The following COLEC10 variants were observed in gnomAD, a reference collection of about 807,000 sequenced individuals.
The protein encoded by COLEC10 is collectin subfamily member 10.
Under a neutral mutation model 28.4 loss-of-function variants are expected in COLEC10, and 22 were observed. That is an observed-to-expected ratio of 0.78 (90% CI 0.55 to 1.11). COLEC10 has a LOEUF of 1.11. COLEC10 is among the 50% of genes least tolerant of loss of function. The probability of loss-of-function intolerance (pLI) is 0.00; values close to 1 mark genes in which losing one functional copy is unlikely to be tolerated. For synonymous variants in COLEC10, 125 were observed against 116.1 expected (o/e 1.08, Z -0.49); for missense variants, 361 against 344.1 (o/e 1.05, Z -0.39).
chr8:119,066,334 G>C (rs1347576829), upstream of COLEC10, among the ~76,000 whole-genome samples: 4 of 152,108 alleles, frequency 2.6e-5, no homozygotes, highest in Non-Finnish European at 5.9e-5. Flanking sequence ...TAGGTTTGTG[G>C]AATAGATAGA....
intron 3 of COLEC10, 107 bp from the exon 4 acceptor site, chr8:119,102,241 T>G (rs1248067049): frequency 1.8e-5 from 5 of 279,980 alleles, no homozygotes; most frequent in Non-Finnish European, 3.3e-5. Context: ...CCTCCCTCCC[T>G]CCTTCCTTCT....
chr8:119,041,158 G>A (rs1814487406), intron 2 of COLEC10, among the ~76,000 whole-genome samples: 1 of 152,140 alleles, frequency 6.6e-6, no homozygotes, highest in African/African-American at 2.4e-5. Context: ...AAACGTGGTG[G>A]AGCTCAGTCT....
chr8:119,009,738 C>T (rs1475521853), intron 2 of COLEC10, among the ~76,000 whole-genome samples: 3 of 150,538 alleles, frequency 2.0e-5, no homozygotes, highest in Non-Finnish European at 4.4e-5. Flanking sequence ...ATCTGCTCAT[C>T]TATAGATTAA....
Position 119,108,020 on chromosome 8 carries a change from T to C in COLEC10, c.*1829T>C, listed in dbSNP as rs1815986163. Among the ~76,000 whole-genome samples, 1 of 152,188 alleles carries C rather than the reference T, an allele frequency of 6.6e-6. No individual in the cohort carries two copies. Among genetic ancestry groups the C allele is most frequent in the Admixed American group, 6.6e-5 (1 of 15,266 alleles). ...AGGTTCTAACCAAATAGAATGTCAT[T>C]AGGATATGATGACATGAAAGTCAAG... On this transcript the variant is annotated 3_prime_UTR_variant, in exon 6 of 6. Coordinates refer to ENST00000332843, the MANE Select transcript of COLEC10 (RefSeq NM_006438.5).
rs946045725 is a variant in COLEC10, at chr8:119,105,825, A to C, written c.468A>C (p.Glu156Asp). Residue 156 changes from glutamate to aspartate, a missense_variant, in exon 6 of 6, where the codon GAA becomes GAC. By Grantham distance (45) the Glu-to-Asp change is conservative (BLOSUM62 2). Coordinates refer to ENST00000332843, the MANE Select transcript of COLEC10 (RefSeq NM_006438.5). ...KNVIAGIRET[E>D]EKFYYIVQEE... ...TGATAGCAGGGATTAGGGAAACTGA[A>C]GAGAAATTCTACTACATCGTGCAGG... The C allele has an allele frequency of 6.2e-7, 1 of 1,612,612 alleles. No individual in the cohort carries two copies. Among genetic ancestry groups the C allele is most frequent in the Non-Finnish European group, 8.5e-7 (1 of 1,178,940 alleles).
chr8:119,005,211 T>C (rs923351833), intron 1 of COLEC10, among the ~76,000 whole-genome samples: 1 of 152,104 alleles, frequency 6.6e-6, no homozygotes, highest in Non-Finnish European at 1.5e-5. Flanking sequence ...AAATTGGGAA[T>C]AGAAATAATA....
At chr8:118,993,856 A>G (rs1235970297), upstream of COLEC10, among the ~76,000 whole-genome samples, 2 of 152,146 alleles carry the variant, frequency 1.3e-5, no homozygotes, top group African/African-American at 4.8e-5. Context: ...AATTCACACT[A>G]TAATAGGGGT....
At position 119,102,283 on chromosome 8, in the gene COLEC10, T is replaced by G. The variant is rs1290999949; in HGVS notation, c.293-65T>G. The G allele has an allele frequency of 4.4e-6, 4 of 916,300 alleles. No homozygotes were observed. The African/African-American group carries it at 6.7e-5, about 15-fold the overall frequency. 56.8% of individuals were successfully genotyped at this position (916,300 alleles called of 1,614,324 possible). ...TCCTTCATTCCCTTCCTTCCTTCCT[T>G]CCTTTTTTCCTTTCTTCTTTTATTT... On this transcript the variant is annotated intron_variant, in intron 3 of 5. Transcript: ENST00000332843.
upstream of COLEC10, among the ~76,000 whole-genome samples, chr8:119,065,825 T>C (rs1049915003): frequency 8.4e-6 from 1 of 118,964 alleles, no homozygotes; most frequent in Admixed American, 8.2e-5. Flanking sequence ...GCGACTGTAC[T>C]CCAGCCTGGG....
the COLEC10 span, among the ~76,000 whole-genome samples, chr8:118,971,768 G>A: frequency 6.6e-6 from 1 of 152,000 alleles, no homozygotes; most frequent in Admixed American, 6.6e-5. Context: ...TTCAGAGGTA[G>A]CAGAAGATAA....
At chr8:119,002,199 A>G (rs1239944277) in intron 1 of COLEC10, among the ~76,000 whole-genome samples, 2 of 152,142 alleles carry the variant, frequency 1.3e-5, no homozygotes, top group Non-Finnish European at 2.9e-5. Context: ...TATGAGTTAT[A>G]TATTGTTATT....
At chr8:119,067,566 T>C (rs956928762) in intron 1 of COLEC10, 137 bp downstream of exon 1, 1 of 809,114 alleles carries the variant, frequency 1.2e-6, no homozygotes, top group Non-Finnish European at 1.9e-6. Flanking sequence ...TTTTGGAAAA[T>C]CAGGATTTTC....
At chr8:119,102,503 A>G in intron 4 of COLEC10, 102 bp downstream of exon 4, 1 of 960,070 alleles carries the variant, frequency 1.0e-6, no homozygotes. Flanking sequence ...TCCTTTTAGT[A>G]TGCTTAACCT....
In COLEC10 at chr8:119,107,889, A is replaced by T. The variant is rs1457434092; in HGVS notation, c.*1698A>T. The stretch of plus-strand genomic sequence containing the variant: ...TGGCAACTAATTAATTTTTAACCCA[A>T]ATTTTAAGTGGGTTAAAAATTAATT... On this transcript the variant is annotated 3_prime_UTR_variant, in exon 6 of 6. Transcript: ENST00000332843. Among the ~76,000 whole-genome samples the T allele has an allele frequency of 6.6e-6, 1 of 152,168 alleles. No individual in the cohort carries two copies. The highest frequency in any genetic ancestry group is 2.4e-5 in the African/African-American group (1 of 41,436).
At chr8:119,005,671 G>A (rs541229836) in intron 1 of COLEC10, among the ~76,000 whole-genome samples, 3 of 152,220 alleles carry the variant, frequency 2.0e-5, no homozygotes, top group African/African-American at 7.2e-5. Flanking sequence ...AGTTTCTAAA[G>A]AGTGTTAATA....
the COLEC10 span, among the ~76,000 whole-genome samples, chr8:118,958,417 A>G: frequency 6.6e-6 from 1 of 152,180 alleles, no homozygotes; most frequent in Non-Finnish European, 1.5e-5. Context: ...GCATTTATAA[A>G]CCAGACCACT....
the COLEC10 span, among the ~76,000 whole-genome samples, chr8:118,964,037 A>G: frequency 2.0e-5 from 3 of 152,206 alleles, no homozygotes; most frequent in African/African-American, 7.2e-5. Flanking sequence ...TAAAAGTGCT[A>G]TGGAGCAAAT....
chr8:119,048,804 T>C (rs987159339), intron 2 of COLEC10, among the ~76,000 whole-genome samples: 1 of 151,642 alleles, frequency 6.6e-6, no homozygotes, highest in African/African-American at 2.4e-5. Flanking sequence ...TGCCACTCTA[T>C]AGCTTTTAAA....
intron 2 of COLEC10, 46 bp downstream of exon 2, chr8:119,089,797 CT>C: frequency 2.0e-6 from 3 of 1,489,902 alleles, no homozygotes; most frequent in Non-Finnish European, 2.8e-6. Flanking sequence ...CATAATTGTT[CT>C]TCTATCTCTC....
Sources: gnomAD v4.1 joint callset for allele counts (sites outside exome capture counted in the v4.1 genomes callset) on GRCh38, gnomAD v4.1.1 for gene constraint, MANE v1.5 for transcripts, NCBI Gene and HGNC (gene_info 2026-07-23, HGNC 2026-07-21) for gene names.